Variants in BTRC observed in about 807,000 individuals in gnomAD.
The protein encoded by BTRC is beta-transducin repeat containing E3 ubiquitin protein ligase.
BTRC carries 42 observed loss-of-function variants against 85.5 expected under a neutral mutation model. That is an observed-to-expected ratio of 0.49 (90% CI 0.38 to 0.64). The LOEUF (loss-of-function observed/expected upper bound fraction) is 0.64, where lower values mean the gene tolerates loss of function less well. BTRC is among the 30% of genes least tolerant of loss of function. BTRC has a pLI of 0.00. For synonymous variants in BTRC, 255 were observed against 263.3 expected (o/e 0.97, Z 0.30); for missense variants, 594 against 743.5 (o/e 0.80, Z 2.34).
At chr10:101,443,124 C>T (rs978169993) in intron 2 of BTRC, among the ~76,000 whole-genome samples, 5 of 151,946 alleles carry the variant, frequency 3.3e-5, no homozygotes, top group African/African-American at 1.2e-4. Flanking sequence ...CCTCGTGATC[C>T]GCCTGCCTCG....
chr10:101,401,148 T>C (rs924749446), intron 1 of BTRC, among the ~76,000 whole-genome samples: 5 of 152,214 alleles, frequency 3.3e-5, no homozygotes, highest in African/African-American at 1.2e-4. Context: ...TTTAATACAA[T>C]GAAGTTTCAG....
chr10:101,392,935 T>A (rs1201283527), intron 1 of BTRC, among the ~76,000 whole-genome samples: 1 of 152,198 alleles, frequency 6.6e-6, no homozygotes, highest in Non-Finnish European at 1.5e-5. Context: ...TTGTTAATAA[T>A]GTTGGGTGTG....
At chr10:101,410,023 T>C (rs1026345111) in intron 1 of BTRC, among the ~76,000 whole-genome samples, 2 of 152,202 alleles carry the variant, frequency 1.3e-5, no homozygotes, top group Non-Finnish European at 2.9e-5. Context: ...TATTTTATAT[T>C]CCCACCAGCA....
chr10:101,480,303 A>G (rs909889685), intron 4 of BTRC, among the ~76,000 whole-genome samples: 2 of 152,214 alleles, frequency 1.3e-5, no homozygotes. Flanking sequence ...GACTGGTGTC[A>G]TGTCATTGCT....
intron 6 of BTRC, among the ~76,000 whole-genome samples, chr10:101,527,707 T>C (rs959648539): frequency 6.6e-6 from 1 of 151,862 alleles, no homozygotes; most frequent in South Asian, 2.1e-4. Flanking sequence ...TGAGCTGTGG[T>C]CATGCCACTG....
chr10:101,354,694 A>G, intron 1 of BTRC: 1 of 175,260 alleles, frequency 5.7e-6, no homozygotes. Flanking sequence ...GTAGAGGGGA[A>G]CGGGCAGGGC....
At chr10:101,446,338 C>T (rs540180506) in intron 2 of BTRC, among the ~76,000 whole-genome samples, 63 of 152,246 alleles carry the variant, frequency 4.1e-4, no homozygotes, top group Non-Finnish European at 7.2e-4. Flanking sequence ...TCTTTGGTTA[C>T]TTGTCTCTTG....
rs75144948 is a variant in BTRC, at chr10:101,482,750, T to G, written c.324+3293T>G. ...CTTTGAATGGAATGACTTGTCATTA[T>G]TTTTGTTGGTCTGCAAGCTTGTCCC... On this transcript the variant is annotated intron_variant, in intron 4 of 14. Coordinates refer to ENST00000370187, the MANE Select transcript of BTRC (RefSeq NM_033637.4). Among the ~76,000 whole-genome samples, 1,414 of 152,248 alleles carry G rather than the reference T, an allele frequency of 9.3e-3. 24 individuals are homozygous for G. The highest frequency in any genetic ancestry group is 0.033 in the African/African-American group (1,365 of 41,550).
intron 1 of BTRC, among the ~76,000 whole-genome samples, chr10:101,389,907 G>T (rs1046527529): frequency 1.6e-4 from 25 of 152,122 alleles, no homozygotes; most frequent in Non-Finnish European, 2.9e-4. Context: ...TTATAGGTAT[G>T]AGCTAAATTT....
intron 4 of BTRC, among the ~76,000 whole-genome samples, chr10:101,509,014 T>G (rs1268571535): frequency 6.6e-6 from 1 of 151,884 alleles, no homozygotes; most frequent in East Asian, 1.9e-4. Context: ...AATTTGTAGC[T>G]AAATTCTTTC....
At chr10:101,541,993 A>G (rs1304372914) in intron 13 of BTRC, among the ~76,000 whole-genome samples, 3 of 152,126 alleles carry the variant, frequency 2.0e-5, no homozygotes, top group Admixed American at 6.5e-5. Flanking sequence ...TGCATATGTG[A>G]TATTATGCTT....
rs1491410755 is a variant in BTRC, at chr10:101,366,859, T to TA, written c.48+12631_48+12632insA. On this transcript the variant is annotated intron_variant, in intron 1 of 14. Coordinates refer to ENST00000370187, the MANE Select transcript of BTRC (RefSeq NM_033637.4). ...ATATATTTATGTATATTAATATATA[T>TA]TTATATATTAATATATATTTATATA... is the stretch of plus-strand genomic sequence containing the variant. Among the ~76,000 whole-genome samples the TA allele has an allele frequency of 5.2e-3, 124 of 24,002 alleles. 15 individuals are homozygous for TA. The highest frequency in any genetic ancestry group is 0.024 in the African/African-American group (123 of 5,076). The allele number at this position is 24,002 out of a possible 152,430, so 15.7% of individuals were successfully genotyped here.
intron 4 of BTRC, among the ~76,000 whole-genome samples, chr10:101,512,270 A>G (rs2061966839): frequency 6.6e-6 from 1 of 152,202 alleles, no homozygotes; most frequent in Non-Finnish European, 1.5e-5. Context: ...GCATTTAATC[A>G]TTATATCCCC....
intron 1 of BTRC, among the ~76,000 whole-genome samples, chr10:101,428,338 T>C (rs1464264768): frequency 6.6e-6 from 1 of 152,228 alleles, no homozygotes; most frequent in East Asian, 1.9e-4. Context: ...AGATATCTCA[T>C]CATGAATTAT....
chr10:101,488,284 T>C (rs1946041544), intron 4 of BTRC, among the ~76,000 whole-genome samples: 1 of 152,206 alleles, frequency 6.6e-6, no homozygotes, highest in Non-Finnish European at 1.5e-5. Flanking sequence ...TATATTCCTT[T>C]CCTGATTCTG....
chr10:101,550,827 C>A lies in BTRC; in HGVS notation c.1785C>A (p.Ser595=), dbSNP rs1186414553. 6.2e-7 allele frequency: 1 copy of A among 1,613,894 alleles called. No homozygotes were observed. Among genetic ancestry groups the A allele is most frequent in the African/African-American group, 1.3e-5 (1 of 74,900 alleles). ...DPAAQAEPPR[S]PSRTYTYISR is the part of the protein sequence containing the mutation. ...CTGCCCAAGCTGAACCCCCCCGTTC[C>A]CCTTCTCGAACATACACCTACATCT... Residue 595 remains serine (S), a synonymous_variant, in exon 14 of 15, where the codon TCC becomes TCA. Coordinates refer to ENST00000370187, the MANE Select transcript of BTRC (RefSeq NM_033637.4).
intron 1 of BTRC, among the ~76,000 whole-genome samples, chr10:101,388,677 G>C (rs1383150407): frequency 6.6e-6 from 1 of 151,926 alleles, no homozygotes; most frequent in Non-Finnish European, 1.5e-5. Context: ...TTTTTGTAGA[G>C]GTGGGGTTTT....
chr10:101,423,035 C>A (rs1944148905), intron 1 of BTRC, among the ~76,000 whole-genome samples: 1 of 151,904 alleles, frequency 6.6e-6, no homozygotes, highest in South Asian at 2.1e-4. Context: ...TTGATTCTTC[C>A]TATCCATGAG....
At chr10:101,400,551 C>T (rs995928711) in intron 1 of BTRC, among the ~76,000 whole-genome samples, 2 of 152,104 alleles carry the variant, frequency 1.3e-5, no homozygotes, top group Non-Finnish European at 2.9e-5. Flanking sequence ...TAAGGATTTG[C>T]CTCCTCTCCC....
Sources: gnomAD v4.1 joint callset for allele counts (sites outside exome capture counted in the v4.1 genomes callset) on GRCh38, gnomAD v4.1.1 for gene constraint, MANE v1.5 for transcripts, NCBI Gene and HGNC (gene_info 2026-07-23, HGNC 2026-07-21) for gene names.